ERC1: variants seen among roughly 807,000 people sequenced by gnomAD.
ERC1 encodes RAB6 interacting protein 2.
ERC1 carries 56 observed loss-of-function variants against 132.0 expected under a neutral mutation model. The observed-to-expected ratio is 0.42, with a 90% CI of 0.34 to 0.53. The LOEUF is 0.53. Ranked by LOEUF, ERC1 falls within the 20% of genes least tolerant of loss-of-function variation. The probability of loss-of-function intolerance (pLI) is 0.03; values close to 1 mark genes in which losing one functional copy is unlikely to be tolerated. For missense variants in ERC1, 1,202 were observed against 1,349.9 expected, an observed-to-expected ratio of 0.89 and a Z score of 1.72; for synonymous variants, 478 against 476.1, an observed-to-expected ratio of 1.00 and a Z score of -0.05.
intron 16 of ERC1, among the ~76,000 whole-genome samples, chr12:1,388,870 C>T (rs2089678612): frequency 6.6e-6 from 1 of 152,190 alleles, no homozygotes; most frequent in Non-Finnish European, 1.5e-5. Context: ...AGTGCCTTAA[C>T]ACAGTAAACG....
In ERC1 at chr12:1,058,640, T is replaced by C. The variant is rs905164575; in HGVS notation, c.670-24524T>C. 3.9e-5 allele frequency among the ~76,000 whole-genome samples: 6 copies of C among 152,186 alleles called. No individual in the cohort carries two copies. In the South Asian group the frequency reaches 1.0e-3, roughly 26 times the overall value. ...AGTCACATAGTGTGATGTCTTCTGC[T>C]TTGTTCTTTTTTGTTCATTATTGCT... On this transcript the variant is annotated intron_variant, in intron 2 of 18. Transcript: ENST00000360905.
At chr12:1,003,096 C>CAAAAAAAAAAAAAAAAAAAAAAAA (rs59507923) in intron 1 of ERC1, among the ~76,000 whole-genome samples, 1 of 86,920 alleles carries the variant, frequency 1.2e-5, no homozygotes, top group African/African-American at 5.2e-5. Flanking sequence ...ATGAAAAATG[C>CAAAAAAAAAAAAAAAAAAAAAAAA]AAAAAAAAAA....
intron 3 of ERC1, among the ~76,000 whole-genome samples, chr12:1,103,622 C>A (rs1389217262): frequency 1.3e-5 from 2 of 152,174 alleles, no homozygotes; most frequent in Non-Finnish European, 2.9e-5. Context: ...GATTTCCTGA[C>A]TGCGGCTTGA....
chr12:1,293,442 A>G (rs141653226), intron 15 of ERC1, among the ~76,000 whole-genome samples: 5,423 of 114,134 alleles, frequency 0.048, 419 homozygotes, highest in African/African-American at 0.15. Context: ...GACAGAGCAA[A>G]ACTCCATCTC....
At chr12:1,316,637 A>T (rs2081754011) in intron 15 of ERC1, among the ~76,000 whole-genome samples, 1 of 152,178 alleles carries the variant, frequency 6.6e-6, no homozygotes, top group Admixed American at 6.5e-5. Flanking sequence ...TGTTGGTGGG[A>T]GTGTAAATTA....
At chr12:1,062,379 C>T (rs1182429749) in intron 2 of ERC1, among the ~76,000 whole-genome samples, 1 of 152,124 alleles carries the variant, frequency 6.6e-6, no homozygotes, top group East Asian at 1.9e-4. Flanking sequence ...GCCTCAGTCT[C>T]CCAAAGTGCT....
chr12:1,134,885 T>G (rs1010837603), intron 7 of ERC1, among the ~76,000 whole-genome samples: 1 of 152,098 alleles, frequency 6.6e-6, no homozygotes, highest in Non-Finnish European at 1.5e-5. Flanking sequence ...TGCGCTACCA[T>G]GCCTGACTAA....
intron 18 of ERC1, among the ~76,000 whole-genome samples, chr12:1,470,821 A>G (rs11834483): frequency 0.014 from 2,084 of 152,322 alleles, 49 homozygotes; most frequent in African/African-American, 0.048. Context: ...TCCAGAGTCC[A>G]TCCGTCCATC....
chr12:1,242,127 G>GT (rs748674532), intron 13 of ERC1, among the ~76,000 whole-genome samples: 1 of 152,058 alleles, frequency 6.6e-6, no homozygotes, highest in Non-Finnish European at 1.5e-5. Flanking sequence ...GATTATAGGC[G>GT]TAAGCCCAGC....
intron 16 of ERC1, among the ~76,000 whole-genome samples, chr12:1,403,205 T>C (rs990848139): frequency 3.9e-5 from 6 of 152,220 alleles, no homozygotes; most frequent in African/African-American, 1.4e-4. Flanking sequence ...TCTTCCCTTC[T>C]TCCTTTTTTT....
intron 15 of ERC1, among the ~76,000 whole-genome samples, chr12:1,326,341 T>C (rs1450741982): frequency 6.6e-6 from 1 of 152,200 alleles, no homozygotes; most frequent in East Asian, 1.9e-4. Flanking sequence ...TTATTTCTCC[T>C]ATTTTGCTTA....
intron 13 of ERC1, among the ~76,000 whole-genome samples, chr12:1,254,227 T>TA (rs1243204308): frequency 6.6e-6 from 1 of 152,238 alleles, no homozygotes; most frequent in African/African-American, 2.4e-5. Context: ...TCTAGATAGC[T>TA]ATTAAGTGAG....
rs1273389294 is a variant in ERC1, at chr12:1,196,905, TACACACACACACACACA to T, written c.2351+6854_2351+6870del. The stretch of plus-strand genomic sequence containing the variant: ...GTCTGTCTGTCTCTCTCTGTCTCTC[TACACACACACACACACA>T]CACACACACACACACACACACACAC... On this transcript the variant is annotated intron_variant, in intron 12 of 18. Transcript: ENST00000360905. 2.8e-4 allele frequency among the ~76,000 whole-genome samples: 16 copies of T among 57,728 alleles called. 1 individual carries two copies. Among genetic ancestry groups the T allele is most frequent in the African/African-American group, 9.5e-4 (15 of 15,842 alleles). 37.9% of individuals were successfully genotyped at this position (57,728 alleles called of 152,430 possible).
At chr12:1,019,540 C>T (rs987046757) in intron 1 of ERC1, among the ~76,000 whole-genome samples, 6 of 152,100 alleles carry the variant, frequency 3.9e-5, no homozygotes, top group African/African-American at 1.2e-4. Flanking sequence ...GAGAGAATCA[C>T]GGTGAAAAAG....
intron 17 of ERC1, among the ~76,000 whole-genome samples, chr12:1,410,173 A>G (rs904413053): frequency 6.6e-6 from 1 of 152,182 alleles, no homozygotes; most frequent in Non-Finnish European, 1.5e-5. Context: ...TATTTCATCC[A>G]CGGTTGGTTG....
intron 15 of ERC1, among the ~76,000 whole-genome samples, chr12:1,317,841 T>G (rs1019101375): frequency 6.6e-6 from 1 of 152,190 alleles, no homozygotes; most frequent in Non-Finnish European, 1.5e-5. Context: ...TCTTTATTCT[T>G]TAAGAAATAT....
At chr12:1,028,630 C>T (rs560776616) in intron 2 of ERC1, 58 bp downstream of exon 2, 3 of 1,340,524 alleles carry the variant, frequency 2.2e-6, no homozygotes, top group Non-Finnish European at 3.1e-6. Flanking sequence ...AATGAAATAG[C>T]CTTTTTTTCC....
intron 17 of ERC1, among the ~76,000 whole-genome samples, chr12:1,434,788 A>T (rs1354719138): frequency 6.6e-6 from 1 of 152,184 alleles, no homozygotes; most frequent in Non-Finnish European, 1.5e-5. Flanking sequence ...ATCAGCCACC[A>T]TTTGTAGTAT....
chr12:1,403,012 T>G (rs1197983457), intron 16 of ERC1, among the ~76,000 whole-genome samples: 1 of 152,260 alleles, frequency 6.6e-6, no homozygotes, highest in East Asian at 1.9e-4. Context: ...TCTTAGCTTA[T>G]GTATTCTTCT....
Sources: allele counts gnomAD v4.1 joint callset (sites outside exome capture counted in the v4.1 genomes callset), GRCh38; gene constraint gnomAD v4.1.1; transcripts MANE v1.5; gene names NCBI Gene and HGNC (gene_info 2026-07-23, HGNC 2026-07-21).